Variants in STX8 observed in about 807,000 individuals in gnomAD.
STX8 encodes syntaxin 8.
A neutral mutation model predicts 37.5 loss-of-function variants in STX8; 23 were observed. The ratio of observed to expected loss-of-function variants is 0.61; its 90% CI spans 0.44 to 0.87. The LOEUF is 0.87. Among genes scored for constraint, STX8 ranks in the 40% least tolerant of loss-of-function variants. The pLI is 0.00. For missense variants in STX8, 313 were observed against 284.7 expected (o/e 1.10, Z -0.71); for synonymous variants, 115 against 99.1 (o/e 1.16, Z -0.95).
At chr17:9,343,490 T>C (rs1253105482) in intron 7 of STX8, among the ~76,000 whole-genome samples, 2 of 152,218 alleles carry the variant, frequency 1.3e-5, no homozygotes, top group Non-Finnish European at 2.9e-5. Flanking sequence ...AAGCCTCTCA[T>C]GTGAAAGATG....
chr17:9,527,051 C>A (rs1322521588), intron 4 of STX8, among the ~76,000 whole-genome samples: 1 of 141,484 alleles, frequency 7.1e-6, no homozygotes, highest in Admixed American at 7.1e-5. Flanking sequence ...CGGTGGCGGG[C>A]GCCTGTAGTC....
intron 7 of STX8, among the ~76,000 whole-genome samples, chr17:9,329,021 G>T (rs1487221834): frequency 8.3e-6 from 1 of 120,652 alleles, no homozygotes; most frequent in Non-Finnish European, 1.6e-5. Flanking sequence ...CTGCACTTGA[G>T]CATGGGCGAC....
At chr17:9,321,640 C>T (rs1909581769) in intron 7 of STX8, among the ~76,000 whole-genome samples, 1 of 151,968 alleles carries the variant, frequency 6.6e-6, no homozygotes, top group South Asian at 2.1e-4. Flanking sequence ...CTGCCTCAGC[C>T]TCCTGAGTAG....
intron 6 of STX8, among the ~76,000 whole-genome samples, chr17:9,461,555 C>T (rs1042180673): frequency 5.3e-5 from 8 of 152,038 alleles, no homozygotes; most frequent in African/African-American, 1.7e-4. Context: ...ACTATTCAGG[C>T]TCAGCTGCCA....
chr17:9,350,394 AG>A (rs1910666708), intron 7 of STX8, among the ~76,000 whole-genome samples: 1 of 152,224 alleles, frequency 6.6e-6, no homozygotes, highest in African/African-American at 2.4e-5. Flanking sequence ...AGCAAGACCA[AG>A]GGGGAACTAC....
chr17:9,390,338 C>G (rs775289014), intron 6 of STX8, among the ~76,000 whole-genome samples: 2 of 150,316 alleles, frequency 1.3e-5, no homozygotes, highest in African/African-American at 4.9e-5. Context: ...CCTGACCAAT[C>G]TGATGAAACC....
At chr17:9,392,369 G>A (rs1353032255) in intron 6 of STX8, among the ~76,000 whole-genome samples, 1 of 152,176 alleles carries the variant, frequency 6.6e-6, no homozygotes, top group Non-Finnish European at 1.5e-5. Context: ...GCATTTTTGG[G>A]AGCTGAATCG....
intron 6 of STX8, among the ~76,000 whole-genome samples, chr17:9,403,210 T>C (rs1912686700): frequency 6.6e-6 from 1 of 152,120 alleles, no homozygotes; most frequent in African/African-American, 2.4e-5. Context: ...CATATCAATC[T>C]AGAGAGGAAT....
At chr17:9,491,286 A>G (rs539617369) in intron 6 of STX8, among the ~76,000 whole-genome samples, 1 of 140,972 alleles carries the variant, frequency 7.1e-6, no homozygotes, top group African/African-American at 3.0e-5. Flanking sequence ...CCTACAACCC[A>G]TCCAGGCCCT....
At chr17:9,356,502 C>T (rs1215424107) in intron 7 of STX8, among the ~76,000 whole-genome samples, 1 of 152,184 alleles carries the variant, frequency 6.6e-6, no homozygotes, top group African/African-American at 2.4e-5. Flanking sequence ...CACACCTGCC[C>T]TTCTCTGCTC....
At chr17:9,564,496 A>C (rs1907378869) in intron 2 of STX8, among the ~76,000 whole-genome samples, 1 of 152,224 alleles carries the variant, frequency 6.6e-6, no homozygotes, top group Admixed American at 6.5e-5. Context: ...AAGCTTATAA[A>C]CAACTTCAGC....
chr17:9,306,033 G>A (rs770853748), intron 7 of STX8, among the ~76,000 whole-genome samples: 24 of 152,066 alleles, frequency 1.6e-4, no homozygotes, highest in Non-Finnish European at 3.2e-4. Context: ...ATGAGCCACT[G>A]TGCCTGGCCA....
chr17:9,381,841 C>T (rs1021729386), intron 6 of STX8, among the ~76,000 whole-genome samples: 2 of 151,982 alleles, frequency 1.3e-5, no homozygotes, highest in East Asian at 1.9e-4. Flanking sequence ...TGGTGGCGTG[C>T]GCCTGTAATT....
intron 1 of STX8, 36 bp downstream of exon 1, chr17:9,575,756 T>A (rs764002056): frequency 3.2e-6 from 5 of 1,545,192 alleles, no homozygotes; most frequent in African/African-American, 1.4e-5. Flanking sequence ...TCCCCGAAGG[T>A]CCCTCCACGC....
chr17:9,464,484 G>C (rs1302889452), intron 6 of STX8, among the ~76,000 whole-genome samples: 1 of 152,170 alleles, frequency 6.6e-6, no homozygotes, highest in Non-Finnish European at 1.5e-5. Context: ...AATAGCACAA[G>C]AAGGGAAGAA....
chr17:9,287,114 C>G (rs1265151086), intron 7 of STX8, among the ~76,000 whole-genome samples: 2 of 152,166 alleles, frequency 1.3e-5, no homozygotes, highest in South Asian at 2.1e-4. Context: ...ACCAAAAGAA[C>G]AGGAGAGAAA....
chr17:9,310,916 C>T (rs1006181613), intron 7 of STX8, among the ~76,000 whole-genome samples: 3 of 152,074 alleles, frequency 2.0e-5, no homozygotes, highest in Admixed American at 2.0e-4. Flanking sequence ...GTAGACATTC[C>T]TGGATGGAAC....
At chr17:9,394,849 C>T (rs1219141430) in intron 6 of STX8, among the ~76,000 whole-genome samples, 1 of 150,346 alleles carries the variant, frequency 6.7e-6, no homozygotes, top group Admixed American at 6.6e-5. Flanking sequence ...AGGTGAATCA[C>T]GAGGTCAGGA....
At chr17:9,405,949 G>C (rs9895250) in intron 6 of STX8, among the ~76,000 whole-genome samples, 1 of 151,996 alleles carries the variant, frequency 6.6e-6, no homozygotes, top group African/African-American at 2.4e-5. Flanking sequence ...CTTTTTCTCA[G>C]ATCACATTAG....
Sources: gnomAD v4.1 joint callset for allele counts (sites outside exome capture counted in the v4.1 genomes callset) on GRCh38, gnomAD v4.1.1 for gene constraint, MANE v1.5 for transcripts, NCBI Gene and HGNC (gene_info 2026-07-23, HGNC 2026-07-21) for gene names.